The following HSF5 variants were observed in gnomAD, a reference collection of about 807,000 sequenced individuals.
HSF5 encodes the protein heat shock factor protein 5.
HSF5 carries 5 observed loss-of-function variants against 50.8 expected under a neutral mutation model. The ratio of observed to expected loss-of-function variants is 0.10; its 90% CI spans 0.05 to 0.21. The LOEUF (loss-of-function observed/expected upper bound fraction) is 0.21, where lower values mean the gene tolerates loss of function less well. HSF5 is among the 10% of genes least tolerant of loss of function. The pLI, the probability that HSF5 is intolerant of heterozygous loss-of-function variation, is 1.00. For synonymous variants in HSF5, 307 were observed against 307.4 expected, an observed-to-expected ratio of 1.00 and a Z score of 0.02; for missense variants, 564 against 762.6, an observed-to-expected ratio of 0.74 and a Z score of 3.07.
At chr17:58,467,521 C>T (rs1248901197) in intron 2 of HSF5, among the ~76,000 whole-genome samples, 4 of 152,304 alleles carry the variant, frequency 2.6e-5, no homozygotes, top group Non-Finnish European at 5.9e-5. Context: ...GTTTTGGAGC[C>T]CAGCTCCACC....
In HSF5 at chr17:58,466,986, C is replaced by T. The variant is rs2143788649; in HGVS notation, c.926-7G>A. 6.3e-7 allele frequency: 1 copy of T among 1,575,266 alleles called. No homozygotes were observed. The highest frequency in any genetic ancestry group is 8.7e-7 in the Non-Finnish European group (1 of 1,145,148). On this transcript the variant is annotated splice_polypyrimidine_tract_variant and splice_region_variant and intron_variant, in intron 2 of 5. Coordinates refer to ENST00000323777, the MANE Select transcript of HSF5 (RefSeq NM_001080439.3). ...GAACAGCACTGTAGCACAGCTGGAA[C>T]AAATTCAAACACAGAAAAGCCATCA...
chr17:58,488,071 C>T lies in HSF5; in HGVS notation c.204G>A (p.Glu68=). The T allele has an allele frequency of 6.3e-7, 1 of 1,574,824 alleles. No homozygotes were observed. Among genetic ancestry groups the T allele is most frequent in the Non-Finnish European group, 8.6e-7 (1 of 1,164,502 alleles). ...AGCTGGTGGTTTTGAAGAGCTCGGGCTCGGCCCCGGCCCCCGCAGTCCCGC... is the reference window on the plus strand; with the variant it reads ...AGCTGGTGGTTTTGAAGAGCTCGGGTTCGGCCCCGGCCCCCGCAGTCCCGC... The part of the protein sequence containing the change: ...GGGGTAGAGA[E]PELFKTTSFT... The change falls in exon 1 of 6, where the codon GAG becomes GAA. Residue 68 remains glutamate, a synonymous_variant. Coordinates refer to ENST00000323777, the MANE Select transcript of HSF5 (RefSeq NM_001080439.3). This position sits in a 1 kb window ranked among gnomAD's most constrained non-coding sequence, Gnocchi z 4.1.
intron 1 of HSF5, among the ~76,000 whole-genome samples, chr17:58,482,994 T>G (rs1367673682): frequency 1.3e-5 from 2 of 151,346 alleles, no homozygotes; most frequent in Non-Finnish European, 1.5e-5. Flanking sequence ...GACTAGCAAT[T>G]CCGCAGGTAC....
chr17:58,464,530 T>C (rs1216505389), intron 3 of HSF5, among the ~76,000 whole-genome samples: 2 of 152,246 alleles, frequency 1.3e-5, no homozygotes, highest in African/African-American at 4.8e-5. Flanking sequence ...ACTGCATTTA[T>C]TTTCAGGATG....
chr17:58,455,397 G>C lies in HSF5; in HGVS notation c.1720+3371C>G, dbSNP rs111550071. ...TATTAGAAGAAAACATAGGGAAAAT[G>C]CTTCATGAAAATGGACTGGGCGAGG... is the stretch of plus-strand genomic sequence containing the variant. On this transcript the variant is annotated intron_variant, in intron 5 of 5. Coordinates refer to ENST00000323777, the MANE Select transcript of HSF5 (RefSeq NM_001080439.3). 8.3e-3 allele frequency among the ~76,000 whole-genome samples: 1,266 copies of C among 152,190 alleles called. 5 individuals are homozygous for C. The highest frequency in any genetic ancestry group is 0.031 in the Middle Eastern group (9 of 294).
chr17:58,450,720 T>C (rs1384225329), intron 5 of HSF5, among the ~76,000 whole-genome samples: 1 of 146,724 alleles, frequency 6.8e-6, no homozygotes, highest in Non-Finnish European at 1.5e-5. Flanking sequence ...GCCATTGTAC[T>C]CTAGCCTGGG....
At chr17:58,481,356 A>AT (rs1206662591) in intron 1 of HSF5, among the ~76,000 whole-genome samples, 1 of 152,240 alleles carries the variant, frequency 6.6e-6, no homozygotes, top group Non-Finnish European at 1.5e-5. Context: ...GTAAAAAGGA[A>AT]TAAAAAGTGG....
rs1344946102 is a variant in HSF5 at position 58,426,405 on chromosome 17, G to A, written c.1721-3975C>T. Reference sequence around the variant, plus strand: ...GCTTGGTGTTGCTAGAGGTTTATACGCCTTCACTCAAAAGATAAACTTGCA... The same window carrying A: ...GCTTGGTGTTGCTAGAGGTTTATACACCTTCACTCAAAAGATAAACTTGCA... On this transcript the variant is annotated intron_variant, in intron 5 of 5. Coordinates refer to ENST00000323777, the MANE Select transcript of HSF5 (RefSeq NM_001080439.3). Among the ~76,000 whole-genome samples the A allele has an allele frequency of 2.6e-5, 4 of 152,112 alleles. No individual in the cohort carries two copies. The East Asian group carries it at 5.8e-4, about 22-fold the overall frequency.
chr17:58,444,160 T>C (rs1429541358), intron 5 of HSF5, among the ~76,000 whole-genome samples: 4 of 152,182 alleles, frequency 2.6e-5, no homozygotes, highest in African/African-American at 9.7e-5. Context: ...CCCAAAGCAA[T>C]CTACAGTTCA....
chr17:58,445,608 G>A (rs1221496043), intron 5 of HSF5, among the ~76,000 whole-genome samples: 2 of 152,108 alleles, frequency 1.3e-5, no homozygotes, highest in African/African-American at 4.8e-5. Context: ...TGAACCTTGA[G>A]AACATAATAT....
chr17:58,443,994 C>T (rs867571289), intron 5 of HSF5, among the ~76,000 whole-genome samples: 8 of 151,988 alleles, frequency 5.3e-5, no homozygotes, highest in African/African-American at 1.9e-4. Flanking sequence ...ACAATAGCAT[C>T]AAAGAGAATA....
intron 4 of HSF5, 37 bp downstream of exon 4, chr17:58,462,745 T>C (rs2143781605): frequency 6.5e-7 from 1 of 1,545,340 alleles, no homozygotes; most frequent in Non-Finnish European, 8.7e-7. Context: ...ACTAGGTACT[T>C]TGAGCTTTAT....
At chr17:58,431,448 A>G (rs1974364110) in intron 5 of HSF5, among the ~76,000 whole-genome samples, 2 of 152,184 alleles carry the variant, frequency 1.3e-5, no homozygotes, top group South Asian at 4.1e-4. Context: ...CCACTGTTCC[A>G]TATACATGGT....
At chr17:58,437,823 G>T (rs1390213859) in intron 5 of HSF5, among the ~76,000 whole-genome samples, 1 of 152,052 alleles carries the variant, frequency 6.6e-6, no homozygotes, top group African/African-American at 2.4e-5. Context: ...CCACTGTCAG[G>T]CATTTATGCT....
At chr17:58,453,573 C>A (rs113213220) in intron 5 of HSF5, among the ~76,000 whole-genome samples, 2 of 151,348 alleles carry the variant, frequency 1.3e-5, no homozygotes, top group Admixed American at 1.3e-4. Flanking sequence ...CCAGCCTGGG[C>A]GACAGAGTGA....
rs1011074244 is a variant in HSF5, at chr17:58,422,214, T to G, written c.*146A>C. 2 of 614,910 alleles carry G rather than the reference T, an allele frequency of 3.3e-6. No individual in the cohort carries two copies. The highest frequency in any genetic ancestry group is 5.7e-6 in the Non-Finnish European group (2 of 349,766). The allele number at this position is 614,910 out of a possible 1,614,324, so 38.1% of individuals were successfully genotyped here. A position where few individuals can be genotyped will look rare whatever the true frequency, so the allele number is the denominator to read the frequency against. ...TGTAGTACATACAAATTCCCAATTC[T>G]CAATTAACAAAATTCTCAATTAACG... On this transcript the variant is annotated 3_prime_UTR_variant, in exon 6 of 6. Transcript: ENST00000323777.
At chr17:58,480,609 C>T (rs1240871745) in intron 1 of HSF5, among the ~76,000 whole-genome samples, 2 of 152,072 alleles carry the variant, frequency 1.3e-5, no homozygotes, top group African/African-American at 4.8e-5. Context: ...CCAGATTTTT[C>T]CAACGTGTAA....
chr17:58,435,046 G>C (rs1974408450), intron 5 of HSF5, among the ~76,000 whole-genome samples: 1 of 152,194 alleles, frequency 6.6e-6, no homozygotes, highest in African/African-American at 2.4e-5. Flanking sequence ...AAATATGTTG[G>C]TGGGAAGATA....
intron 2 of HSF5, among the ~76,000 whole-genome samples, chr17:58,478,439 T>C (rs1222004620): frequency 5.1e-5 from 7 of 137,958 alleles, no homozygotes; most frequent in African/African-American, 1.4e-4. Flanking sequence ...ATTGCACTAC[T>C]GCATTCCAGC....
Sources: gnomAD v4.1 joint callset for allele counts (sites outside exome capture counted in the v4.1 genomes callset) on GRCh38, gnomAD v4.1.1 for gene constraint, Gnocchi (gnomAD v3.1) non-coding constraint, MANE v1.5 for transcripts, NCBI Gene and HGNC (gene_info 2026-07-23, HGNC 2026-07-21) for gene names.